The following NCALD variants were observed in gnomAD, a reference collection of about 807,000 sequenced individuals.
The protein encoded by NCALD is neurocalcin delta.
In NCALD, 10 loss-of-function variants were observed where a neutral mutation model predicts 18.6. The observed-to-expected ratio is 0.54, with a 90% CI of 0.33 to 0.91. The LOEUF is 0.91. Among genes scored for constraint, NCALD ranks in the 40% least tolerant of loss-of-function variants. The probability of loss-of-function intolerance (pLI) is 0.03; values close to 1 mark genes in which losing one functional copy is unlikely to be tolerated. For synonymous variants in NCALD, 88 were observed against 87.4 expected, an observed-to-expected ratio of 1.01 and a Z score of -0.04; for missense variants, 184 against 247.6, an observed-to-expected ratio of 0.74 and a Z score of 1.72.
chr8:101,815,106 T>C (rs897691770), intron 4 of NCALD, among the ~76,000 whole-genome samples: 2 of 152,104 alleles, frequency 1.3e-5, no homozygotes, highest in Non-Finnish European at 2.9e-5. Context: ...TTAGTGGATA[T>C]TGACAAACTT....
At chr8:101,900,439 C>T (rs992584347) in intron 3 of NCALD, among the ~76,000 whole-genome samples, 5 of 151,826 alleles carry the variant, frequency 3.3e-5, no homozygotes, top group African/African-American at 4.8e-5. Flanking sequence ...CAGATAGGAG[C>T]TCAGATTATC....
chr8:102,116,488 GTGT>G (rs1036536732), intron 1 of NCALD, among the ~76,000 whole-genome samples: 3 of 151,426 alleles, frequency 2.0e-5, no homozygotes, highest in East Asian at 1.9e-4. Flanking sequence ...TAGGGTGGTG[GTGT>G]TGTTGTTTTG....
chr8:102,081,795 A>T (rs1485983690), intron 1 of NCALD, among the ~76,000 whole-genome samples: 3 of 152,188 alleles, frequency 2.0e-5, no homozygotes, highest in African/African-American at 7.2e-5. Context: ...GCACTGGAGA[A>T]ACCCTGGGTT....
At position 102,082,224 on chromosome 8, in the gene NCALD, C is replaced by CTTTTTTTTTTT. The variant is rs1362023921; in HGVS notation, c.-210+42012_-210+42013insAAAAAAAAAAA. Among the ~76,000 whole-genome samples the CTTTTTTTTTTT allele has an allele frequency of 9.4e-4, 103 of 109,448 alleles. 5 individuals carry two copies. Among genetic ancestry groups the CTTTTTTTTTTT allele is most frequent in the African/African-American group, 3.7e-3 (97 of 26,486 alleles). 71.8% of individuals were successfully genotyped at this position (109,448 alleles called of 152,430 possible). On this transcript the variant is annotated intron_variant, in intron 1 of 6. Transcript: ENST00000311028. ...AATGGGCAGTTATTTGAGAAGCTCT[C>CTTTTTTTTTTT]TCTTTTTTTTTTTTTTTTTTTTTTT...
chr8:101,794,990 G>A (rs1408503582), upstream of NCALD, among the ~76,000 whole-genome samples: 1 of 152,068 alleles, frequency 6.6e-6, no homozygotes, highest in Non-Finnish European at 1.5e-5. Context: ...GGCCTACAAA[G>A]TTCTATGGCA....
At position 101,970,406 on chromosome 8, in the gene NCALD, T is replaced by C. The variant is rs141019063; in HGVS notation, c.-157+49831A>G. Among the ~76,000 whole-genome samples the C allele has an allele frequency of 6.9e-3, 1,044 of 152,282 alleles. 9 individuals are homozygous for C. Among genetic ancestry groups the C allele is most frequent in the African/African-American group, 0.024 (987 of 41,566 alleles). ...AAAATATTTCCTTGCAAATTTTCCA[T>C]CAATGGTACTGCCTGCCCCCTCCTG... On this transcript the variant is annotated intron_variant, in intron 2 of 6. Coordinates refer to the NCALD transcript ENST00000311028.
At chr8:102,091,478 G>A (rs1406399071) in intron 1 of NCALD, among the ~76,000 whole-genome samples, 1 of 152,172 alleles carries the variant, frequency 6.6e-6, no homozygotes, top group Non-Finnish European at 1.5e-5. Flanking sequence ...GATGGGTAAT[G>A]TAAAAATCTG....
chr8:101,989,100 T>G lies in NCALD; in HGVS notation c.-157+31137A>C, dbSNP rs74707490. Among the ~76,000 whole-genome samples, 182 of 152,262 alleles carry G rather than the reference T, an allele frequency of 1.2e-3. 1 individual carries two copies. Among genetic ancestry groups the G allele is most frequent in the African/African-American group, 4.0e-3 (167 of 41,552 alleles). On this transcript the variant is annotated intron_variant, in intron 2 of 6. Transcript: ENST00000311028. ...TAAATATTTCTAATTAATTTTGAAT[T>G]TGGTGCTCTACTGGGACTGAACCTC...
chr8:101,942,590 T>C (rs1818998792), intron 2 of NCALD, among the ~76,000 whole-genome samples: 1 of 152,032 alleles, frequency 6.6e-6, no homozygotes, highest in Non-Finnish European at 1.5e-5. Flanking sequence ...AAGAGCTGAG[T>C]TTGGGGCAAG....
intron 2 of NCALD, among the ~76,000 whole-genome samples, chr8:102,001,406 T>G (rs1586902281): frequency 6.6e-6 from 1 of 152,336 alleles, no homozygotes; most frequent in African/African-American, 2.4e-5. Context: ...CTGATTGGTG[T>G]ACCTGAAAGT....
intron 4 of NCALD, among the ~76,000 whole-genome samples, chr8:101,824,665 T>C (rs914715137): frequency 2.6e-5 from 4 of 152,180 alleles, no homozygotes; most frequent in Non-Finnish European, 5.9e-5. Context: ...TTTTACTTCA[T>C]CTTGACAATA....
At chr8:101,735,293 C>T (rs942934369) in intron 1 of NCALD, among the ~76,000 whole-genome samples, 1 of 152,142 alleles carries the variant, frequency 6.6e-6, no homozygotes, top group African/African-American at 2.4e-5. Context: ...TCTGGCTAAC[C>T]TTGCCAGCTG....
intron 4 of NCALD, among the ~76,000 whole-genome samples, chr8:101,810,444 G>A (rs980366799): frequency 1.3e-5 from 2 of 152,112 alleles, no homozygotes; most frequent in Admixed American, 1.3e-4. Context: ...TTTACCCTAA[G>A]TTATGCTTTC....
intron 2 of NCALD, among the ~76,000 whole-genome samples, chr8:101,700,560 T>C (rs1430499935): frequency 6.6e-6 from 1 of 152,148 alleles, no homozygotes; most frequent in Non-Finnish European, 1.5e-5. Context: ...TCTGGAGCAC[T>C]CTTTGGACCT....
chr8:102,029,209 G>C (rs1228591425), intron 1 of NCALD: 1 of 152,224 alleles, frequency 6.6e-6, no homozygotes, highest in Non-Finnish European at 1.5e-5. Flanking sequence ...TAAAATAGCT[G>C]ATCTGAAGAG....
At chr8:101,766,479 C>T (rs1811352275) in intron 1 of NCALD, among the ~76,000 whole-genome samples, 1 of 152,208 alleles carries the variant, frequency 6.6e-6, no homozygotes, top group African/African-American at 2.4e-5. Flanking sequence ...TCAGAGATCC[C>T]TAACCTGAGC....
chr8:101,970,708 C>G (rs1820209054), intron 2 of NCALD, among the ~76,000 whole-genome samples: 1 of 152,064 alleles, frequency 6.6e-6, no homozygotes, highest in African/African-American at 2.4e-5. Context: ...CCCCATAAAC[C>G]CACTAAGTTG....
intron 1 of NCALD, among the ~76,000 whole-genome samples, chr8:101,757,459 A>G (rs1173982203): frequency 6.6e-6 from 1 of 152,232 alleles, no homozygotes; most frequent in African/African-American, 2.4e-5. Flanking sequence ...ATAGAGGGCC[A>G]GTCATCTCTA....
intron 1 of NCALD, among the ~76,000 whole-genome samples, chr8:101,735,503 C>A (rs187183000): frequency 1.3e-3 from 197 of 152,244 alleles, no homozygotes; most frequent in African/African-American, 4.4e-3. Flanking sequence ...CTTTTAAGGG[C>A]TCATTAAAGT....
Sources: gnomAD v4.1 joint callset for allele counts (sites outside exome capture counted in the v4.1 genomes callset) on GRCh38, gnomAD v4.1.1 for gene constraint, MANE v1.5 for transcripts, NCBI Gene and HGNC (gene_info 2026-07-23, HGNC 2026-07-21) for gene names.